Variants in MDFIC observed in about 807,000 individuals in gnomAD.
MDFIC encodes the protein MyoD family inhibitor domain containing, also known as myoD family inhibitor domain-containing protein.
In MDFIC, 17 loss-of-function variants were observed where a neutral mutation model predicts 23.2. The ratio of observed to expected loss-of-function variants is 0.73; its 90% CI spans 0.50 to 1.10. The LOEUF (loss-of-function observed/expected upper bound fraction) is 1.10, where lower values mean the gene tolerates loss of function less well. MDFIC is among the 50% of genes least tolerant of loss of function. MDFIC has a pLI of 0.00. For missense variants in MDFIC, 356 were observed against 316.6 expected (o/e 1.12, Z -0.95); for synonymous variants, 120 against 115.2 (o/e 1.04, Z -0.27).
intron 3 of MDFIC, among the ~76,000 whole-genome samples, chr7:114,953,854 G>A (rs987368993): frequency 2.0e-5 from 3 of 152,112 alleles, no homozygotes; most frequent in African/African-American, 4.8e-5. Context: ...TATGTAAATA[G>A]TTGTTATACT....
intron 3 of MDFIC, among the ~76,000 whole-genome samples, chr7:114,951,660 G>T (rs1000176544): frequency 6.6e-6 from 1 of 150,608 alleles, no homozygotes; most frequent in Admixed American, 6.6e-5. Context: ...TCTTTTCTGT[G>T]TTTTTTTTTC....
chr7:114,959,943 T>C (rs1792954191), intron 3 of MDFIC, among the ~76,000 whole-genome samples: 1 of 152,008 alleles, frequency 6.6e-6, no homozygotes, highest in African/African-American at 2.4e-5. Flanking sequence ...GTGAGGTGCT[T>C]AGTTAGACAT....
intron 3 of MDFIC, among the ~76,000 whole-genome samples, chr7:114,968,345 A>G (rs1312713001): frequency 6.6e-6 from 1 of 152,132 alleles, no homozygotes; most frequent in Non-Finnish European, 1.5e-5. Flanking sequence ...AAATAATGTC[A>G]TTTTTACTTA....
Position 114,932,757 on chromosome 7 carries a change from A to T in MDFIC, c.95-9518A>T, listed in dbSNP as rs532051653. Among the ~76,000 whole-genome samples, 23 of 152,336 alleles carry T rather than the reference A, an allele frequency of 1.5e-4. 1 individual carries two copies. In the East Asian group the frequency reaches 4.2e-3, roughly 28 times the overall value. On this transcript the variant is annotated intron_variant, in intron 2 of 4. Transcript: ENST00000393486. ...GGGTGGGGAGGACCCAGAAATTGAG[A>T]GGCTGAGTTAGTGAAGTTTATAAGT...
intron 3 of MDFIC, among the ~76,000 whole-genome samples, chr7:114,955,887 A>T (rs1468995380): frequency 6.6e-6 from 1 of 152,210 alleles, no homozygotes; most frequent in African/African-American, 2.4e-5. Context: ...AACCTGGGCT[A>T]TCAGCAGCTC....
chr7:115,003,971 G>A (rs1268394127), intron 4 of MDFIC, among the ~76,000 whole-genome samples: 1 of 152,154 alleles, frequency 6.6e-6, no homozygotes, highest in African/African-American at 2.4e-5. Flanking sequence ...AGAGTTTAGT[G>A]AGTAAATATT....
intron 4 of MDFIC, among the ~76,000 whole-genome samples, chr7:114,987,172 C>T (rs770704380): frequency 6.6e-6 from 1 of 152,120 alleles, no homozygotes; most frequent in Non-Finnish European, 1.5e-5. Context: ...CTCACTATTC[C>T]GTATGGGTTT....
intron 3 of MDFIC, among the ~76,000 whole-genome samples, chr7:114,961,257 C>T (rs1792985940): frequency 6.6e-6 from 1 of 152,108 alleles, no homozygotes; most frequent in Non-Finnish European, 1.5e-5. Context: ...GGCCATGAAC[C>T]AGAGATTACG....
chr7:114,942,318 T>A lies in MDFIC; in HGVS notation c.138T>A (p.Ala46=). 1 of 1,591,196 alleles carries A rather than the reference T, an allele frequency of 6.3e-7. No homozygotes were observed. The highest frequency in any genetic ancestry group is 8.6e-7 in the Non-Finnish European group (1 of 1,161,982). Residue 46 remains alanine, a synonymous_variant, in exon 3 of 5, where the codon GCT becomes GCA. Transcript: ENST00000393486. ...KDNTEKDITQ[A]TNSHFTHGEM... Reference sequence around the variant, plus strand: ...ATACTGAGAAAGATATAACTCAAGCTACCAATAGCCACTTCACACATGGAG... The same window carrying A: ...ATACTGAGAAAGATATAACTCAAGCAACCAATAGCCACTTCACACATGGAG...
intron 2 of MDFIC, among the ~76,000 whole-genome samples, chr7:114,929,569 A>T (rs1792270307): frequency 6.6e-6 from 1 of 152,200 alleles, no homozygotes; most frequent in Non-Finnish European, 1.5e-5. Context: ...GAAAAGTAGA[A>T]ATTTAAGGTA....
At chr7:114,965,545 G>A (rs559603876) in intron 3 of MDFIC, among the ~76,000 whole-genome samples, 3 of 152,296 alleles carry the variant, frequency 2.0e-5, no homozygotes, top group African/African-American at 7.2e-5. Context: ...GTAGACGGAG[G>A]GGAAAGGATG....
intron 2 of MDFIC, among the ~76,000 whole-genome samples, chr7:114,937,509 A>G (rs946811665): frequency 1.3e-5 from 2 of 152,210 alleles, no homozygotes; most frequent in Non-Finnish European, 2.9e-5. Flanking sequence ...AGATTTGCAG[A>G]ATTTTTGAGC....
intron 3 of MDFIC, among the ~76,000 whole-genome samples, chr7:114,975,251 G>C (rs1793288450): frequency 6.6e-6 from 1 of 151,988 alleles, no homozygotes; most frequent in African/African-American, 2.4e-5. Flanking sequence ...TGCAGAGTTT[G>C]TAAAATTTCG....
chr7:114,949,058 C>T lies in MDFIC; in HGVS notation c.217+6661C>T, dbSNP rs192077003. Among the ~76,000 whole-genome samples the T allele has an allele frequency of 9.2e-5, 14 of 152,152 alleles. No individual in the cohort carries two copies. In the East Asian group the frequency reaches 2.3e-3, roughly 25 times the overall value. ...AATATTTTTAAAGTGCTTTGTATAC[C>T]ATAAAGCACAATGTGTGTTGTTATT... On this transcript the variant is annotated intron_variant, in intron 3 of 4. Transcript: ENST00000393486.
In MDFIC at chr7:114,990,683, C is replaced by A. The variant is rs530374456; in HGVS notation, c.493+10902C>A. 2.4e-4 allele frequency among the ~76,000 whole-genome samples: 37 copies of A among 152,168 alleles called. No homozygotes were observed. In the East Asian group the frequency reaches 4.8e-3, roughly 20 times the overall value. On this transcript the variant is annotated intron_variant, in intron 4 of 4. Transcript: ENST00000393486. ...TCCCTACAAAGGACATGAACTCATC[C>A]TTTTTTATGGCTGCATAGTATTCCA... is the stretch of plus-strand genomic sequence containing the variant.
intron 2 of MDFIC, among the ~76,000 whole-genome samples, chr7:114,936,946 AGTT>A (rs1213668198): frequency 6.6e-6 from 1 of 152,066 alleles, no homozygotes; most frequent in Non-Finnish European, 1.5e-5. Flanking sequence ...CAAACATATT[AGTT>A]GAGTGGCTAT....
At chr7:115,008,587 C>G (rs1562829647) in intron 4 of MDFIC, among the ~76,000 whole-genome samples, 1 of 152,118 alleles carries the variant, frequency 6.6e-6, no homozygotes, top group Non-Finnish European at 1.5e-5. Context: ...CAGGCTAGGG[C>G]TGTTGGCCAG....
intron 3 of MDFIC, among the ~76,000 whole-genome samples, chr7:114,971,783 C>A (rs1437446391): frequency 6.6e-6 from 1 of 151,838 alleles, no homozygotes; most frequent in Non-Finnish European, 1.5e-5. Context: ...GTAATACATG[C>A]AGATCTTAAA....
At chr7:114,977,996 ATATT>A (rs1346614512) in intron 3 of MDFIC, among the ~76,000 whole-genome samples, 2 of 148,188 alleles carry the variant, frequency 1.3e-5, no homozygotes, top group Non-Finnish European at 3.0e-5. Flanking sequence ...ATAACCATTA[ATATT>A]TATATTAATA....
Sources: gnomAD v4.1 joint callset for allele counts (sites outside exome capture counted in the v4.1 genomes callset) on GRCh38, gnomAD v4.1.1 for gene constraint, MANE v1.5 for transcripts, NCBI Gene and HGNC (gene_info 2026-07-23, HGNC 2026-07-21) for gene names.